The following ROBO1 variants were observed in gnomAD, a reference collection of about 807,000 sequenced individuals.
The protein encoded by ROBO1 is roundabout guidance receptor 1, also known as roundabout homolog 1.
A neutral mutation model predicts 195.9 loss-of-function variants in ROBO1; 149 were observed. That is an observed-to-expected ratio of 0.76 (90% CI 0.67 to 0.87). ROBO1 has a LOEUF of 0.87. Among genes scored for constraint, ROBO1 ranks in the 40% least tolerant of loss-of-function variants. The pLI is 0.00. For missense variants in ROBO1, 1,933 were observed against 2,068.3 expected, an observed-to-expected ratio of 0.93 and a Z score of 1.27; for synonymous variants, 816 against 733.2, an observed-to-expected ratio of 1.11 and a Z score of -1.82.
At chr3:78,659,660 A>AATAT (rs10662787) in intron 17 of ROBO1, 26 bp downstream of exon 17, 251,232 of 1,325,304 alleles carry the variant, frequency 0.19, 14,943 homozygotes, top group East Asian at 0.21. Context: ...TCAGGACATT[A>AATAT]ATATATATAT....
Position 79,047,978 on chromosome 3 carries a change from G to C in ROBO1, c.172+77478C>G, listed in dbSNP as rs993946778. Among the ~76,000 whole-genome samples, 3 of 152,128 alleles carry C rather than the reference G, an allele frequency of 2.0e-5. No individual in the cohort carries two copies. The East Asian group carries it at 5.8e-4, about 29-fold the overall frequency. The stretch of plus-strand genomic sequence containing the variant: ...CTTTGACAACACTAGAAGCCTTGCC[G>C]TGGAAACTTCTGGAGTCTTTGGTCT... On this transcript the variant is annotated intron_variant, in intron 3 of 30. Transcript: ENST00000464233.
At chr3:78,756,990 C>T (rs1193104097) in intron 4 of ROBO1, among the ~76,000 whole-genome samples, 1 of 152,150 alleles carries the variant, frequency 6.6e-6, no homozygotes, top group Non-Finnish European at 1.5e-5. Flanking sequence ...CTTCTGGGTT[C>T]AACTGATTCT....
intron 5 of ROBO1, among the ~76,000 whole-genome samples, chr3:78,740,551 A>C (rs2082506351): frequency 6.6e-6 from 1 of 150,474 alleles, no homozygotes; most frequent in South Asian, 2.1e-4. Flanking sequence ...GGCTCACTGC[A>C]ACCTCTGCCT....
At chr3:79,166,934 A>G (rs1203096881) in intron 2 of ROBO1, among the ~76,000 whole-genome samples, 3 of 152,142 alleles carry the variant, frequency 2.0e-5, no homozygotes, top group Non-Finnish European at 4.4e-5. Context: ...TATTCCAAAG[A>G]CATCTTCTTA....
At chr3:78,882,366 C>A (rs1271357443) in intron 4 of ROBO1, among the ~76,000 whole-genome samples, 1 of 152,086 alleles carries the variant, frequency 6.6e-6, no homozygotes, top group Non-Finnish European at 1.5e-5. Flanking sequence ...ATTATGTATT[C>A]ATCTGCCTTA....
At chr3:79,489,574 G>C (rs764824653) in intron 2 of ROBO1, among the ~76,000 whole-genome samples, 1 of 149,264 alleles carries the variant, frequency 6.7e-6, no homozygotes, top group African/African-American at 2.5e-5. Flanking sequence ...AGAATCGCTT[G>C]AACCAGGGAG....
intron 3 of ROBO1, among the ~76,000 whole-genome samples, chr3:78,947,119 CAG>C (rs147115330): frequency 0.097 from 14,708 of 152,040 alleles, 1,654 homozygotes; most frequent in African/African-American, 0.28. Flanking sequence ...ATCAACAAGA[CAG>C]AAAGTTAACA....
At chr3:78,865,503 G>A (rs1475884835) in intron 4 of ROBO1, among the ~76,000 whole-genome samples, 2 of 140,516 alleles carry the variant, frequency 1.4e-5, no homozygotes, top group Admixed American at 7.4e-5. Flanking sequence ...ATGGAGTCTC[G>A]TTGTGTCGCC....
intron 3 of ROBO1, among the ~76,000 whole-genome samples, chr3:79,030,335 C>T (rs1320707200): frequency 6.6e-6 from 1 of 152,132 alleles, no homozygotes; most frequent in African/African-American, 2.4e-5. Flanking sequence ...AGGGATACTG[C>T]TAAACATCTT....
chr3:78,699,223 T>G (rs902929027), intron 8 of ROBO1, among the ~76,000 whole-genome samples: 2 of 151,962 alleles, frequency 1.3e-5, no homozygotes, highest in Non-Finnish European at 2.9e-5. Context: ...CAGTCCAATC[T>G]TATGATGTAG....
chr3:79,665,303 T>C (rs939638324), intron 1 of ROBO1, among the ~76,000 whole-genome samples: 4 of 151,956 alleles, frequency 2.6e-5, no homozygotes, highest in African/African-American at 9.7e-5. Flanking sequence ...TACTTGGTTT[T>C]GATATGGTAT....
chr3:78,649,285 GAAGAA>G (rs1284889915), intron 19 of ROBO1, among the ~76,000 whole-genome samples: 1 of 152,108 alleles, frequency 6.6e-6, no homozygotes, highest in Non-Finnish European at 1.5e-5. Context: ...TTGAGGAACT[GAAGAA>G]GAGATGAAAA....
rs1027828518 is a variant in ROBO1 at position 78,688,654 on chromosome 3, C to T, written c.1164G>A (p.Gly388=). 4.4e-6 allele frequency: 7 copies of T among 1,597,958 alleles called. No homozygotes were observed. The highest frequency in any genetic ancestry group is 5.1e-6 in the Non-Finnish European group (6 of 1,172,342). Residue 388 remains glycine (G), a synonymous_variant, in exon 9 of 31, where the codon GGG becomes GGA. Coordinates refer to ENST00000464233, the MANE Select transcript of ROBO1 (RefSeq NM_002941.4). ...PQPAIFWRRE[G]SQNLLFSYQP... ...AGTTAGAAAAAGGTGGTACCTGACT[C>T]CCTTCTCTCCTCCAGAAAATAGCTG...
chr3:78,845,452 G>T (rs2033597060), intron 4 of ROBO1, among the ~76,000 whole-genome samples: 1 of 151,994 alleles, frequency 6.6e-6, no homozygotes, highest in Non-Finnish European at 1.5e-5. Context: ...GTAGCTTACA[G>T]TATATTTCTC....
chr3:79,081,321 C>T (rs2079270580), intron 3 of ROBO1, among the ~76,000 whole-genome samples: 1 of 151,994 alleles, frequency 6.6e-6, no homozygotes, highest in African/African-American at 2.4e-5. Context: ...GGCATCATGA[C>T]TTTAAAAAAA....
intron 4 of ROBO1, among the ~76,000 whole-genome samples, chr3:78,749,146 A>G (rs1269271657): frequency 6.6e-6 from 1 of 152,200 alleles, no homozygotes; most frequent in African/African-American, 2.4e-5. Flanking sequence ...TCACATTATT[A>G]ATCAATGATA....
intron 3 of ROBO1, among the ~76,000 whole-genome samples, chr3:78,988,232 T>C (rs1025693707): frequency 6.6e-6 from 1 of 152,122 alleles, no homozygotes; most frequent in Non-Finnish European, 1.5e-5. Flanking sequence ...AGTTCCCTTT[T>C]TGTCAGCGTT....
Position 78,671,960 on chromosome 3 carries a change from T to C in ROBO1, c.1343-1659A>G, listed in dbSNP as rs531395741. ...CCAAACCAGTTATTGATGCCATTTTTGTGGTATAATTTACAATGTATACTT... is the reference window on the plus strand; with the variant it reads ...CCAAACCAGTTATTGATGCCATTTTCGTGGTATAATTTACAATGTATACTT... On this transcript the variant is annotated intron_variant, in intron 10 of 30. Transcript: ENST00000464233. Among the ~76,000 whole-genome samples the C allele has an allele frequency of 6.6e-5, 10 of 152,310 alleles. 1 individual carries two copies. The South Asian group carries it at 8.3e-4, about 13-fold the overall frequency.
chr3:78,735,046 A>G (rs1385155848), intron 5 of ROBO1, among the ~76,000 whole-genome samples: 1 of 152,216 alleles, frequency 6.6e-6, no homozygotes, highest in Non-Finnish European at 1.5e-5. Context: ...AGACTTATAT[A>G]TTGATGTAAA....
Sources: allele counts gnomAD v4.1 joint callset (sites outside exome capture counted in the v4.1 genomes callset), GRCh38; gene constraint gnomAD v4.1.1; transcripts MANE v1.5; gene names NCBI Gene and HGNC (gene_info 2026-07-23, HGNC 2026-07-21).